Variants in VPS13A observed in about 807,000 individuals in gnomAD.
The protein encoded by VPS13A is vacuolar protein sorting 13 homolog A.
A neutral mutation model predicts 390.9 loss-of-function variants in VPS13A; 264 were observed. The observed-to-expected ratio is 0.68, with a 90% CI of 0.61 to 0.75. The LOEUF is 0.75. Ranked by LOEUF, VPS13A falls within the 30% of genes least tolerant of loss-of-function variation. The pLI, the probability that VPS13A is intolerant of heterozygous loss-of-function variation, is 0.00. For synonymous variants in VPS13A, 1,231 were observed against 1,227.1 expected (o/e 1.00, Z -0.07); for missense variants, 3,409 against 3,733.9 (o/e 0.91, Z 2.27).
In VPS13A at chr9:77,321,342, T is replaced by G; in HGVS notation, c.5574+15T>G. On this transcript the variant is annotated intron_variant, in intron 43 of 71. Transcript: ENST00000360280. ...ATTTAGTCAAGGTAAGAAAAGAAAT[T>G]TGAAACTTTAAATATTGAGATACTT... 1 of 1,597,704 alleles carries G rather than the reference T, an allele frequency of 6.3e-7. No homozygotes were observed. The highest frequency in any genetic ancestry group is 1.7e-4 in the Middle Eastern group (1 of 5,754).
At chr9:77,182,163 G>T (rs1025922460) in intron 1 of VPS13A, among the ~76,000 whole-genome samples, 1 of 152,014 alleles carries the variant, frequency 6.6e-6, no homozygotes, top group Non-Finnish European at 1.5e-5. Flanking sequence ...ACGCGATCTC[G>T]GCTCACTGCA....
chr9:77,405,885 G>C lies in VPS13A; in HGVS notation c.9297G>C (p.Lys3099Asn), dbSNP rs778017599. 6.2e-7 allele frequency: 1 copy of C among 1,613,682 alleles called. No individual in the cohort carries two copies. Among genetic ancestry groups the C allele is most frequent in the East Asian group, 2.2e-5 (1 of 44,846 alleles). ...GCAGTGGTGTATTGTTTGTAACAAA[G>C]GGAACATTTGGACAACTCACGTGTG... ...ITRRGVLFVT[K>N]GTFGQLTCEW... The change falls in exon 70 of 72, where the codon AAG (lysine) becomes AAC (asparagine). Residue 3099 changes from lysine to asparagine, a missense_variant. Coordinates refer to ENST00000360280, the MANE Select transcript of VPS13A (RefSeq NM_033305.3).
intron 71 of VPS13A, among the ~76,000 whole-genome samples, chr9:77,411,660 C>CATA (rs1834930604): frequency 2.9e-5 from 1 of 33,932 alleles, no homozygotes; most frequent in African/African-American, 1.2e-4. Context: ...AACTCCATCT[C>CATA]AAAAAAAAAA....
rs764074881 is a variant in VPS13A at position 77,321,756 on chromosome 9, T to C, written c.5830+10T>C. On this transcript the variant is annotated intron_variant, in intron 44 of 71. Coordinates refer to ENST00000360280, the MANE Select transcript of VPS13A (RefSeq NM_033305.3). ...TTCTTCATTCTTCTTAGTAAGTAGT[T>C]GAAAAATTACCTTCCTGGGGCTATT... 1.9e-6 allele frequency: 3 copies of C among 1,612,854 alleles called. No homozygotes were observed. The African/African-American group carries it at 4.0e-5, about 22-fold the overall frequency.
At position 77,415,966 on chromosome 9, in the gene VPS13A, C is replaced by G. The variant is rs569299264; in HGVS notation, c.9485C>G (p.Thr3162Arg). Residue 3162 changes from threonine to arginine, a missense_variant, in exon 72 of 72, where the codon ACA (threonine) becomes AGA (arginine). Thr to Arg is a moderately conservative substitution (Grantham distance 71). Transcript: ENST00000360280. ...KTPEDARWIL[T>R]KLQEAREPSP... is the part of the protein sequence containing the mutation. ...ATTTTCCCACCGCAGTGGATCCTCA[C>G]AAAGCTACAAGAAGCAAGAGAACCT... The G allele has an allele frequency of 3.1e-6, 5 of 1,613,486 alleles. No homozygotes were observed. In the South Asian group the frequency reaches 5.5e-5, roughly 18 times the overall value.
At chr9:77,344,530 G>C (rs1027122533) in intron 51 of VPS13A, among the ~76,000 whole-genome samples, 2 of 152,128 alleles carry the variant, frequency 1.3e-5, no homozygotes, top group African/African-American at 4.8e-5. Flanking sequence ...GGCCGAGGCA[G>C]GCGGATCAGG....
At chr9:77,302,367 C>CTTTTTTTTTTTTTTTTTTTTTT (rs750574896) in intron 33 of VPS13A, among the ~76,000 whole-genome samples, 1 of 136,044 alleles carries the variant, frequency 7.4e-6, no homozygotes, top group African/African-American at 2.8e-5. Flanking sequence ...ATATTTTTCC[C>CTTTTTTTTTTTTTTTTTTTTTT]CTTTTTTTTT....
chr9:77,314,587 C>T lies in VPS13A; in HGVS notation c.4335C>T (p.Gly1445=). The T allele has an allele frequency of 6.2e-7, 1 of 1,610,694 alleles. No homozygotes were observed. The highest frequency in any genetic ancestry group is 8.5e-7 in the Non-Finnish European group (1 of 1,177,972). Residue 1445 remains glycine (G), a synonymous_variant, in exon 37 of 72, where the codon GGC becomes GGT. Coordinates refer to ENST00000360280, the MANE Select transcript of VPS13A (RefSeq NM_033305.3). ...IISTLKMYTD[G]STFSSFSLKN... ...GTACTTTAAAAATGTATACAGATGG[C>T]TCAACATTTTCTTCCTTCTCATTAA...
intron 1 of VPS13A, among the ~76,000 whole-genome samples, chr9:77,198,687 G>A (rs554436273): frequency 2.0e-5 from 3 of 151,824 alleles, no homozygotes; most frequent in South Asian, 4.2e-4. Flanking sequence ...ATTTTGAGAT[G>A]GAGTCTCACT....
At chr9:77,196,193 A>G (rs541998244) in intron 1 of VPS13A, among the ~76,000 whole-genome samples, 4 of 152,252 alleles carry the variant, frequency 2.6e-5, no homozygotes, top group South Asian at 2.1e-4. Flanking sequence ...TAATTTTACA[A>G]TTTTGTTTTT....
intron 34 of VPS13A, among the ~76,000 whole-genome samples, chr9:77,306,312 GT>G (rs1461914818): frequency 6.6e-6 from 1 of 151,706 alleles, no homozygotes; most frequent in Non-Finnish European, 1.5e-5. Flanking sequence ...TCTTTTTGTT[GT>G]TTTGACAAAC....
intron 61 of VPS13A, 130 bp from the exon 62 acceptor site, chr9:77,367,925 T>G: frequency 4.8e-6 from 4 of 825,220 alleles, no homozygotes; most frequent in Non-Finnish European, 7.8e-6. Context: ...ATTTCCTGAT[T>G]GGCATGGGAA....
chr9:77,268,951 AAAAG>A (rs1180718680), intron 23 of VPS13A, among the ~76,000 whole-genome samples: 69 of 152,188 alleles, frequency 4.5e-4, no homozygotes, highest in African/African-American at 1.4e-3. Flanking sequence ...AAAAAAAAAA[AAAAG>A]AAAGTGAGTT....
chr9:77,231,560 G>A (rs932408753), intron 17 of VPS13A, among the ~76,000 whole-genome samples: 7 of 151,922 alleles, frequency 4.6e-5, no homozygotes, highest in African/African-American at 1.7e-4. Flanking sequence ...GTGGATATTG[G>A]CCCTTTGTAT....
rs2131427592 is a variant in VPS13A, at chr9:77,314,535, CT to C, written c.4284del (p.Glu1429AsnfsTer8). On this transcript the variant is annotated frameshift_variant, in exon 37 of 72. Transcript: ENST00000360280. LOFTEE classifies it high-confidence loss of function. ...GTTCGTGATCCTTCTCTGAAACTTG[CT>C]GAATTTAAATTGGAGAATATTATAA... is the stretch of plus-strand genomic sequence containing the variant. ...TDVRDPSLKLAEFKLENIIST... is the reference protein window; with the variant it reads ...TDVRDPSLKLXEFKLENIIST... 6.2e-7 allele frequency: 1 copy of C among 1,612,362 alleles called. No homozygotes were observed. The highest frequency in any genetic ancestry group is 8.5e-7 in the Non-Finnish European group (1 of 1,179,304).
At chr9:77,189,629 T>A (rs1824555411) in intron 1 of VPS13A, among the ~76,000 whole-genome samples, 1 of 152,214 alleles carries the variant, frequency 6.6e-6, no homozygotes, top group Admixed American at 6.5e-5. Flanking sequence ...TTTTTTCTAA[T>A]TCTGTGAGAA....
rs950947072 is a variant in VPS13A, at chr9:77,330,223, C to G, written c.5992-1787C>G. On this transcript the variant is annotated intron_variant, in intron 45 of 71. Coordinates refer to ENST00000360280, the MANE Select transcript of VPS13A (RefSeq NM_033305.3). The stretch of plus-strand genomic sequence containing the variant: ...TAGAGACAGGGTCTCACTATATTGC[C>G]TAGGCTGCTCTTGAACTCCTGAGGT... 2.6e-5 allele frequency among the ~76,000 whole-genome samples: 4 copies of G among 152,096 alleles called. No individual in the cohort carries two copies. In the South Asian group the frequency reaches 8.3e-4, roughly 32 times the overall value.
At chr9:77,217,270 A>T (rs1294357190) in intron 10 of VPS13A, among the ~76,000 whole-genome samples, 1 of 152,186 alleles carries the variant, frequency 6.6e-6, no homozygotes, top group Non-Finnish European at 1.5e-5. Context: ...AGACCTCCTG[A>T]ATAAGAACCT....
intron 20 of VPS13A, among the ~76,000 whole-genome samples, chr9:77,249,108 A>C (rs1825003525): frequency 6.6e-6 from 1 of 152,200 alleles, no homozygotes; most frequent in Non-Finnish European, 1.5e-5. Flanking sequence ...TAAATCATTA[A>C]ATGTAGAGGA....
Sources: gnomAD v4.1 joint callset for allele counts (sites outside exome capture counted in the v4.1 genomes callset) on GRCh38, gnomAD v4.1.1 for gene constraint, MANE v1.5 for transcripts, NCBI Gene and HGNC (gene_info 2026-07-23, HGNC 2026-07-21) for gene names.